The following FRAS1 variants were observed in gnomAD, a reference collection of about 807,000 sequenced individuals.
FRAS1 encodes the protein extracellular matrix organizing protein FRAS1.
FRAS1 carries 290 observed loss-of-function variants against 435.2 expected under a neutral mutation model. The observed-to-expected ratio is 0.67, with a 90% CI of 0.61 to 0.73. The LOEUF (loss-of-function observed/expected upper bound fraction) is 0.73. Ranked by LOEUF, FRAS1 falls within the 30% of genes least tolerant of loss-of-function variation. FRAS1 has a pLI of 0.00. For synonymous variants in FRAS1, 1,800 were observed against 1,851.0 expected (o/e 0.97, Z 0.71); for missense variants, 4,860 against 5,001.5 (o/e 0.97, Z 0.85).
At chr4:78,277,458 G>GC (rs543666635) in intron 9 of FRAS1, among the ~76,000 whole-genome samples, 163 of 151,452 alleles carry the variant, frequency 1.1e-3, no homozygotes, top group African/African-American at 2.1e-3. Context: ...TCTTGGAACC[G>GC]CCCCCCCCAT....
intron 58 of FRAS1, among the ~76,000 whole-genome samples, chr4:78,483,115 A>G (rs912524472): frequency 1.3e-5 from 2 of 152,350 alleles, no homozygotes; most frequent in African/African-American, 2.4e-5. Flanking sequence ...GAAGAATGGA[A>G]TGGAAAGACA....
At chr4:78,277,645 A>G (rs770735846) in intron 9 of FRAS1, among the ~76,000 whole-genome samples, 5 of 152,078 alleles carry the variant, frequency 3.3e-5, no homozygotes, top group Non-Finnish European at 7.4e-5. Context: ...ACACTTTCTA[A>G]ATTATAGAAT....
At chr4:78,183,386 G>A (rs982154458) in intron 2 of FRAS1, among the ~76,000 whole-genome samples, 8 of 152,164 alleles carry the variant, frequency 5.3e-5, no homozygotes, top group African/African-American at 1.9e-4. Context: ...GCAGAGTGGG[G>A]ATTGCTAGTC....
At position 78,539,366 on chromosome 4, in the gene FRAS1, TTG is replaced by T; in HGVS notation, c.11372_11373del (p.Leu3791SerfsTer2). 1 of 1,613,222 alleles carries T rather than the reference TTG, an allele frequency of 6.2e-7. No homozygotes were observed. Among genetic ancestry groups the T allele is most frequent in the Non-Finnish European group, 8.5e-7 (1 of 1,179,522 alleles). ...VPFEAHFASE[L>X]PDFHVVSNMP... ...TTTTGAGGCTCACTTTGCCTCTGAG[TTG>T]CCTGATTTCCATGTGGTCAGTAACA... On this transcript the variant is annotated frameshift_variant, in exon 73 of 74. Coordinates refer to ENST00000512123, the MANE Select transcript of FRAS1 (RefSeq NM_025074.7). LOFTEE classifies it high-confidence loss of function.
At chr4:78,495,215 T>C (rs561395303) in intron 59 of FRAS1, among the ~76,000 whole-genome samples, 2 of 152,312 alleles carry the variant, frequency 1.3e-5, no homozygotes, top group East Asian at 3.9e-4. Flanking sequence ...CAAATATTAA[T>C]TCCTTGCCAG....
intron 2 of FRAS1, among the ~76,000 whole-genome samples, chr4:78,210,696 GA>G (rs981437473): frequency 7.9e-5 from 12 of 152,322 alleles, no homozygotes; most frequent in Non-Finnish European, 1.6e-4. Flanking sequence ...TACAATTATG[GA>G]AAATAGGTTT....
chr4:78,155,198 T>C (rs1485901386), intron 2 of FRAS1, among the ~76,000 whole-genome samples: 1 of 152,224 alleles, frequency 6.6e-6, no homozygotes, highest in Non-Finnish European at 1.5e-5. Flanking sequence ...TTTTCGGTCA[T>C]GTTTGTTGGC....
intron 2 of FRAS1, among the ~76,000 whole-genome samples, chr4:78,066,341 A>G (rs1371022393): frequency 1.3e-5 from 2 of 152,166 alleles, no homozygotes; most frequent in African/African-American, 2.4e-5. Flanking sequence ...CTGAAACACA[A>G]TTTTTTAACT....
intron 50 of FRAS1, among the ~76,000 whole-genome samples, chr4:78,469,098 T>C (rs1033361880): frequency 6.6e-6 from 1 of 152,190 alleles, no homozygotes; most frequent in African/African-American, 2.4e-5. Flanking sequence ...CCCAGTTAGT[T>C]TGACTTTCAG....
chr4:78,072,058 CA>C, intron 2 of FRAS1: 1 of 151,626 alleles, frequency 6.6e-6, no homozygotes, highest in South Asian at 2.1e-4. Flanking sequence ...TTAAACCAAG[CA>C]ATTGTTATGG....
At chr4:78,310,722 T>C (rs978116500) in intron 15 of FRAS1, among the ~76,000 whole-genome samples, 3 of 152,258 alleles carry the variant, frequency 2.0e-5, no homozygotes, top group Non-Finnish European at 4.4e-5. Flanking sequence ...CACAGAAATA[T>C]GTTCTAAAAC....
In FRAS1 at chr4:78,515,845, G is replaced by T. The variant is rs909853499; in HGVS notation, c.10221G>T (p.Gly3407=). Reference sequence around the variant, plus strand: ...TGGTCTATGATAGCACTGCCCTGGGGCCTGGCTACGATCGCCCCTTCCAGT... The same window carrying T: ...TGGTCTATGATAGCACTGCCCTGGGTCCTGGCTACGATCGCCCCTTCCAGT... The part of the protein sequence containing the change: ...DDVVYDSTAL[G]PGYDRPFQFD... Residue 3407 remains glycine, a synonymous_variant, in exon 66 of 74, where the codon GGG becomes GGT. Transcript: ENST00000512123. The T allele has an allele frequency of 1.2e-6, 2 of 1,613,918 alleles. No homozygotes were observed. Among genetic ancestry groups the T allele is most frequent in the Admixed American group, 1.7e-5 (1 of 60,014 alleles).
At chr4:78,455,742 G>C (rs1335574900) in intron 47 of FRAS1, among the ~76,000 whole-genome samples, 1 of 152,148 alleles carries the variant, frequency 6.6e-6, no homozygotes, top group African/African-American at 2.4e-5. Flanking sequence ...TCACCAAAGA[G>C]AGTCCAGTCC....
intron 2 of FRAS1, among the ~76,000 whole-genome samples, chr4:78,125,621 TGACA>T (rs1223953004): frequency 2.0e-5 from 3 of 152,188 alleles, no homozygotes; most frequent in Non-Finnish European, 2.9e-5. Context: ...GTTTTCCTTC[TGACA>T]GACAGGCCCC....
intron 30 of FRAS1, among the ~76,000 whole-genome samples, chr4:78,403,596 T>C (rs2110348443): frequency 6.6e-6 from 1 of 152,324 alleles, no homozygotes; most frequent in South Asian, 2.1e-4. Context: ...GGGCTTTTTG[T>C]GAAGAGCTGA....
intron 57 of FRAS1, 98 bp downstream of exon 57, chr4:78,482,062 T>TTTAAG: frequency 8.3e-7 from 1 of 1,208,010 alleles, no homozygotes; most frequent in Non-Finnish European, 1.2e-6. Flanking sequence ...CCCCTGGCGA[T>TTTAAG]ATTCCTATCT....
At chr4:78,313,799 A>C (rs545657273) in intron 15 of FRAS1, among the ~76,000 whole-genome samples, 1 of 152,226 alleles carries the variant, frequency 6.6e-6, no homozygotes, top group African/African-American at 2.4e-5. Context: ...TTCCCCTTTC[A>C]ATTATTTGTT....
chr4:78,438,497 A>C, intron 38 of FRAS1, 73 bp from the exon 39 acceptor site: 41 of 1,454,932 alleles, frequency 2.8e-5, no homozygotes, highest in Non-Finnish European at 3.1e-5. Flanking sequence ...AAGCACCCAT[A>C]GATCTTTAGC....
intron 51 of FRAS1, 135 bp from the exon 52 acceptor site, chr4:78,472,045 C>T: frequency 1.1e-6 from 1 of 899,216 alleles, no homozygotes; most frequent in Non-Finnish European, 1.7e-6. Flanking sequence ...ATAGCCTCTC[C>T]AATCCTGACA....
Sources: allele counts gnomAD v4.1 joint callset (sites outside exome capture counted in the v4.1 genomes callset), GRCh38; gene constraint gnomAD v4.1.1; transcripts MANE v1.5; gene names NCBI Gene and HGNC (gene_info 2026-07-23, HGNC 2026-07-21).